ADAMTS14: variants seen among roughly 807,000 people sequenced by gnomAD.
ADAMTS14 encodes ADAM metallopeptidase with thrombospondin type 1 motif 14.
ADAMTS14 carries 100 observed loss-of-function variants against 128.6 expected under a neutral mutation model. That is an observed-to-expected ratio of 0.78 (90% CI 0.66 to 0.92). ADAMTS14 has a LOEUF of 0.92. Among genes scored for constraint, ADAMTS14 ranks in the 40% least tolerant of loss-of-function variants. The pLI, the probability that ADAMTS14 is intolerant of heterozygous loss-of-function variation, is 0.00. For missense variants in ADAMTS14, 1,562 were observed against 1,658.6 expected (o/e 0.94, Z 1.01); for synonymous variants, 665 against 653.8 (o/e 1.02, Z -0.26).
intron 4 of ADAMTS14, among the ~76,000 whole-genome samples, chr10:70,710,759 G>A (rs1409294233): frequency 3.3e-5 from 5 of 152,234 alleles, no homozygotes; most frequent in African/African-American, 9.6e-5. Context: ...TGAAATGAGC[G>A]CATGGTGCAC....
chr10:70,673,437 A>C (rs926143655), intron 1 of ADAMTS14, among the ~76,000 whole-genome samples: 8 of 143,808 alleles, frequency 5.6e-5, no homozygotes, highest in South Asian at 2.4e-4. Context: ...GGTCTCTTGC[A>C]TACAGACCAG....
intron 4 of ADAMTS14, among the ~76,000 whole-genome samples, chr10:70,715,031 A>G (rs1275701583): frequency 6.6e-6 from 1 of 151,880 alleles, no homozygotes; most frequent in Non-Finnish European, 1.5e-5. Context: ...GGGAAGGGAG[A>G]AAGGTTTCTT....
chr10:70,752,043 G>A (rs931211672), intron 17 of ADAMTS14, 52 bp from the exon 18 acceptor site: 3 of 1,575,250 alleles, frequency 1.9e-6, no homozygotes, highest in East Asian at 2.2e-5. Flanking sequence ...CCCCACCAGG[G>A]CAATGGGGGG....
intron 18 of ADAMTS14, among the ~76,000 whole-genome samples, chr10:70,753,079 C>A (rs1484924593): frequency 1.3e-5 from 2 of 152,232 alleles, no homozygotes; most frequent in South Asian, 2.1e-4. Flanking sequence ...CAGCCCCTAC[C>A]CCTTTGGGGT....
At chr10:70,740,607 T>G (rs1206588682) in intron 11 of ADAMTS14, among the ~76,000 whole-genome samples, 1 of 152,176 alleles carries the variant, frequency 6.6e-6, no homozygotes, top group East Asian at 1.9e-4. Flanking sequence ...GAGTCGTTTA[T>G]GGGGGCCTGC....
chr10:70,712,666 G>A (rs542105315), intron 4 of ADAMTS14, among the ~76,000 whole-genome samples: 4 of 152,182 alleles, frequency 2.6e-5, no homozygotes, highest in Non-Finnish European at 4.4e-5. Context: ...GGAATTTTGC[G>A]TTGCTCTTAG....
At chr10:70,673,378 A>G (rs1325977776) in intron 1 of ADAMTS14, among the ~76,000 whole-genome samples, 1 of 152,136 alleles carries the variant, frequency 6.6e-6, no homozygotes, top group Non-Finnish European at 1.5e-5. Context: ...ACAGAAACAC[A>G]CATCCTTCCA....
At chr10:70,718,557 T>G (rs1441352182) in intron 4 of ADAMTS14, among the ~76,000 whole-genome samples, 1 of 152,022 alleles carries the variant, frequency 6.6e-6, no homozygotes, top group African/African-American at 2.4e-5. Context: ...AGGTAATTTT[T>G]GTATTTTTAG....
At chr10:70,709,495 GTTTTTTTTTTT>G (rs746940189) in intron 4 of ADAMTS14, among the ~76,000 whole-genome samples, 3 of 101,840 alleles carry the variant, frequency 2.9e-5, no homozygotes, top group Non-Finnish European at 5.3e-5. Flanking sequence ...AACATTTCCA[GTTTTTTTTTTT>G]TTTTTTTTTT....
intron 2 of ADAMTS14, among the ~76,000 whole-genome samples, chr10:70,677,386 G>A (rs147267306): frequency 0.01 from 1,573 of 152,144 alleles, 31 homozygotes; most frequent in African/African-American, 0.036. Flanking sequence ...CCCCATTTCT[G>A]AGCTTTACTC....
chr10:70,761,460 G>C lies in ADAMTS14; in HGVS notation c.*607G>C, dbSNP rs1842611740. On this transcript the variant is annotated 3_prime_UTR_variant, in exon 22 of 22. Transcript: ENST00000373207. ...CATGCAGTTCCACCAGCTGAGGCCA[G>C]GCAGCAGAGGCCAGTTTGTCTTTGC... The C allele has an allele frequency of 6.6e-6, 1 of 152,466 alleles. No individual in the cohort carries two copies. The highest frequency in any genetic ancestry group is 1.5e-5 in the Non-Finnish European group (1 of 68,234). The allele number at this position is 152,466 out of a possible 1,614,324, so 9.4% of individuals were successfully genotyped here.
intron 9 of ADAMTS14, among the ~76,000 whole-genome samples, chr10:70,736,168 A>G (rs771033725): frequency 6.6e-6 from 1 of 152,158 alleles, no homozygotes; most frequent in Non-Finnish European, 1.5e-5. Context: ...TAAGGAAGCT[A>G]TGGCTTCTCT....
At chr10:70,754,137 A>C (rs1210809413) in intron 19 of ADAMTS14, 130 bp downstream of exon 19, 3 of 859,520 alleles carry the variant, frequency 3.5e-6, no homozygotes, top group East Asian at 2.7e-5. Context: ...GTTTTCCTTA[A>C]AGTAGAATAG....
At chr10:70,705,840 A>G (rs1354756829) in intron 3 of ADAMTS14, among the ~76,000 whole-genome samples, 1 of 152,188 alleles carries the variant, frequency 6.6e-6, no homozygotes, top group Non-Finnish European at 1.5e-5. Context: ...TCTGGTGGAC[A>G]CTGGAGTTGT....
chr10:70,696,263 C>T (rs1217004014), intron 2 of ADAMTS14, among the ~76,000 whole-genome samples: 2 of 151,652 alleles, frequency 1.3e-5, no homozygotes, highest in Non-Finnish European at 2.9e-5. Context: ...AGTAGGGGGA[C>T]CACATCCAGC....
chr10:70,708,826 G>GGGGGCCCC, intron 4 of ADAMTS14, 48 bp downstream of exon 4: 3 of 396,624 alleles, frequency 7.6e-6, no homozygotes, highest in Non-Finnish European at 9.6e-6. Context: ...GGTGGGGTGG[G>GGGGGCCCC]CCCCACCCCA....
intron 3 of ADAMTS14, among the ~76,000 whole-genome samples, chr10:70,706,182 G>A (rs1282154567): frequency 2.0e-5 from 3 of 152,182 alleles, no homozygotes; most frequent in Non-Finnish European, 4.4e-5. Flanking sequence ...GGCTGATGCT[G>A]GCTGGTCCTC....
intron 4 of ADAMTS14, among the ~76,000 whole-genome samples, chr10:70,725,278 G>A (rs898058869): frequency 1.5e-4 from 23 of 152,134 alleles, no homozygotes; most frequent in African/African-American, 5.6e-4. Flanking sequence ...GGAAGGGAAG[G>A]CTGAACAGGT....
intron 11 of ADAMTS14, among the ~76,000 whole-genome samples, chr10:70,740,720 G>C (rs1564550125): frequency 6.6e-6 from 1 of 152,206 alleles, no homozygotes; most frequent in Non-Finnish European, 1.5e-5. Context: ...CCCTGTGTCA[G>C]TCTGTACATC....
Sources: allele counts gnomAD v4.1 joint callset (sites outside exome capture counted in the v4.1 genomes callset), GRCh38; gene constraint gnomAD v4.1.1; transcripts MANE v1.5; gene names NCBI Gene and HGNC (gene_info 2026-07-23, HGNC 2026-07-21).